AFF1: variants seen among roughly 807,000 people sequenced by gnomAD.
AFF1 encodes AF4/FMR2 family member 1.
In AFF1, 48 loss-of-function variants were observed where a neutral mutation model predicts 121.7. The ratio of observed to expected loss-of-function variants is 0.39; its 90% CI spans 0.31 to 0.50. AFF1 has a LOEUF of 0.50. Ranked by LOEUF, AFF1 falls within the 20% of genes least tolerant of loss-of-function variation. The probability of loss-of-function intolerance (pLI) is 0.76; values close to 1 mark genes in which losing one functional copy is unlikely to be tolerated. For missense variants in AFF1, 1,523 were observed against 1,511.7 expected, an observed-to-expected ratio of 1.01 and a Z score of -0.12; for synonymous variants, 613 against 563.0, an observed-to-expected ratio of 1.09 and a Z score of -1.26.
At position 87,134,637 on chromosome 4, in the gene AFF1, G is replaced by T. The variant is rs1178086412; in HGVS notation, c.3478G>T (p.Val1160Phe). ...TSSYVTITSH[V>F]LTAFDLWEQA... The stretch of plus-strand genomic sequence containing the variant: ...TTCCTATGTCACCATCACATCCCAT[G>T]TTCTTACCGCCTTTGACCTTTGGGA... Residue 1160 changes from valine to phenylalanine, a missense_variant, in exon 20 of 21, where the codon GTT (valine) becomes TTT (phenylalanine). Transcript: ENST00000395146. 3 of 1,614,134 alleles carry T rather than the reference G, an allele frequency of 1.9e-6. No individual in the cohort carries two copies. Among genetic ancestry groups the T allele is most frequent in the Non-Finnish European group, 2.5e-6 (3 of 1,180,020 alleles).
chr4:86,935,894 CTG>C (rs1048434237), intron 1 of AFF1: 4 of 152,332 alleles, frequency 2.6e-5, no homozygotes, highest in Admixed American at 2.0e-4. Context: ...GTCCCATCCT[CTG>C]TGGCCGTCGC....
At chr4:87,022,493 A>AAATAAGG (rs1728002522) in intron 2 of AFF1, among the ~76,000 whole-genome samples, 1 of 145,232 alleles carries the variant, frequency 6.9e-6, no homozygotes, top group Admixed American at 7.0e-5. Flanking sequence ...AGCCCACAAA[A>AAATAAGG]TCCAAATAAA....
chr4:87,135,697 C>T lies in AFF1; in HGVS notation c.3653C>T (p.Pro1218Leu). Residue 1218 changes from proline (P) to leucine (L), a missense_variant, in exon 21 of 21, where the codon CCT (proline) becomes CTT (leucine). Physicochemically the swap from Pro to Leu is moderately conservative, Grantham distance 98. Around this residue, in one of 5 missense-constraint regions of AFF1, gnomAD observed 241 missense variants for 265.2 expected, o/e 0.91. Transcript: ENST00000395146. ...CAGCTACAAGAATTAACCAAAACACCTTAATGGAGCCCCAGGTTGATTCAA... is the reference window on the plus strand; with the variant it reads ...CAGCTACAAGAATTAACCAAAACACTTTAATGGAGCCCCAGGTTGATTCAA... ...FQQLQELTKT[P>L] 1 of 1,610,494 alleles carries T rather than the reference C, an allele frequency of 6.2e-7. No homozygotes were observed. The highest frequency in any genetic ancestry group is 8.5e-7 in the Non-Finnish European group (1 of 1,178,550).
At chr4:86,966,716 A>G (rs933282584) in intron 2 of AFF1, among the ~76,000 whole-genome samples, 5 of 151,982 alleles carry the variant, frequency 3.3e-5, no homozygotes, top group African/African-American at 9.7e-5. Context: ...ATCTTCCTCT[A>G]CTTCTCCAGA....
At chr4:86,996,425 C>T (rs1725203716) in intron 2 of AFF1, among the ~76,000 whole-genome samples, 2 of 151,492 alleles carry the variant, frequency 1.3e-5, no homozygotes, top group African/African-American at 4.9e-5. Context: ...GTGACCTTAC[C>T]CCCAACCCTG....
At chr4:87,129,903 C>T (rs926755024) in intron 16 of AFF1, among the ~76,000 whole-genome samples, 2 of 152,134 alleles carry the variant, frequency 1.3e-5, no homozygotes, top group Non-Finnish European at 2.9e-5. Flanking sequence ...CCATACCGCT[C>T]TCATTGCTGA....
chr4:87,023,189 CTG>C (rs2149565914), intron 2 of AFF1, among the ~76,000 whole-genome samples: 1 of 152,252 alleles, frequency 6.6e-6, no homozygotes, highest in East Asian at 1.9e-4. Flanking sequence ...GTGTAAGCCA[CTG>C]TGCCCAGCAG....
intron 4 of AFF1, among the ~76,000 whole-genome samples, chr4:87,049,346 T>G (rs1731045926): frequency 6.6e-6 from 1 of 151,018 alleles, no homozygotes; most frequent in African/African-American, 2.5e-5. Flanking sequence ...AACGAGGTGC[T>G]TATAAACCTG....
At chr4:86,939,347 A>G (rs569669049) in intron 1 of AFF1, among the ~76,000 whole-genome samples, 1 of 152,260 alleles carries the variant, frequency 6.6e-6, no homozygotes, top group South Asian at 2.1e-4. Flanking sequence ...GGCTATGTTG[A>G]TGTGTGGTTT....
chr4:86,950,390 G>A (rs1721225552), intron 2 of AFF1, among the ~76,000 whole-genome samples: 1 of 152,116 alleles, frequency 6.6e-6, no homozygotes, highest in Non-Finnish European at 1.5e-5. Flanking sequence ...GGCTGGCCCC[G>A]AATTCCTAAC....
chr4:86,999,182 T>C (rs10516787), intron 2 of AFF1, among the ~76,000 whole-genome samples: 20,523 of 152,264 alleles, frequency 0.13, 1,871 homozygotes, highest in Middle Eastern at 0.23. Flanking sequence ...ATTGCTGATC[T>C]TCACAGTTAA....
chr4:87,068,198 G>T (rs888858977), intron 4 of AFF1, among the ~76,000 whole-genome samples: 2 of 150,866 alleles, frequency 1.3e-5, no homozygotes, highest in Admixed American at 1.3e-4. Flanking sequence ...GGGGATGTGT[G>T]CACGTGTGTA....
intron 2 of AFF1, among the ~76,000 whole-genome samples, chr4:86,982,753 C>T (rs533833991): frequency 6.9e-6 from 1 of 145,578 alleles, no homozygotes; most frequent in South Asian, 2.2e-4. Flanking sequence ...GAGGCTGAGG[C>T]AGGAGAATCG....
intron 2 of AFF1, among the ~76,000 whole-genome samples, chr4:86,989,031 T>C (rs113069476): frequency 0.43 from 65,029 of 151,924 alleles, 16,626 homozygotes; most frequent in South Asian, 0.65. Context: ...TATACAAAAA[T>C]TAACTCAAGA....
At chr4:87,072,275 A>G (rs1391364680) in intron 4 of AFF1, among the ~76,000 whole-genome samples, 1 of 150,706 alleles carries the variant, frequency 6.6e-6, no homozygotes, top group Non-Finnish European at 1.5e-5. Flanking sequence ...AGGCAGGAGA[A>G]TGGCGTGAAC....
intron 12 of AFF1, among the ~76,000 whole-genome samples, chr4:87,124,149 C>T (rs984763784): frequency 5.3e-5 from 8 of 152,174 alleles, no homozygotes; most frequent in African/African-American, 1.9e-4. Context: ...TGGAAGAATT[C>T]TGTGTTGTTT....
intron 4 of AFF1, among the ~76,000 whole-genome samples, chr4:87,051,415 C>CT (rs5860052): frequency 0.036 from 5,092 of 141,700 alleles, 135 homozygotes; most frequent in African/African-American, 0.073. Context: ...TTTCCTTTTT[C>CT]TTTTTTTTTT....
chr4:87,126,068 C>T (rs771376268), intron 13 of AFF1, 31 bp from the exon 14 acceptor site: 24 of 1,604,472 alleles, frequency 1.5e-5, no homozygotes, highest in Middle Eastern at 3.3e-4. Context: ...TACTTTGCCT[C>T]CTCTTAGTTT....
rs1728856396 is a variant in AFF1, at chr4:87,131,816, T to C, written c.3125T>C (p.Phe1042Ser). Residue 1042 changes from phenylalanine (F) to serine (S), a missense_variant, in exon 18 of 21, where the codon TTC becomes TCC. Around this residue, in one of 5 missense-constraint regions of AFF1, gnomAD observed 241 missense variants for 265.2 expected, o/e 0.91. Coordinates refer to ENST00000395146, the MANE Select transcript of AFF1 (RefSeq NM_001166693.3). Reference protein sequence around the residue: ...LIKFIMSLKSFSDATAPTQEK... With the variant: ...LIKFIMSLKSSSDATAPTQEK... ...AGATTCATAATGTCATTAAAATCCT[T>C]CTCAGATGCCACAGCGCCAACACAA... is the stretch of plus-strand genomic sequence containing the variant. 6.3e-7 allele frequency: 1 copy of C among 1,597,304 alleles called. No homozygotes were observed. The highest frequency in any genetic ancestry group is 8.5e-7 in the Non-Finnish European group (1 of 1,175,478).
Sources: allele counts gnomAD v4.1 joint callset (sites outside exome capture counted in the v4.1 genomes callset), GRCh38; gene constraint gnomAD v4.1.1; regional missense constraint gnomAD v4.1.1; transcripts MANE v1.5; gene names NCBI Gene and HGNC (gene_info 2026-07-23, HGNC 2026-07-21).